The following NKAIN2 variants were observed in gnomAD, a reference collection of about 807,000 sequenced individuals.
NKAIN2 encodes the protein sodium/potassium-transporting ATPase subunit beta-1-interacting protein 2.
In NKAIN2, 14 loss-of-function variants were observed where a neutral mutation model predicts 32.6. The observed-to-expected ratio is 0.43, with a 90% CI of 0.28 to 0.67. The LOEUF is 0.67. NKAIN2 is among the 30% of genes least tolerant of loss of function. The pLI is 0.17. For missense variants in NKAIN2, 198 were observed against 258.3 expected (o/e 0.77, Z 1.60); for synonymous variants, 80 against 87.2 (o/e 0.92, Z 0.46).
chr6:123,837,277 T>C lies in NKAIN2; in HGVS notation c.54+33023T>C, dbSNP rs75260562. ...TCGGAGAAAGTGACTTTTAAGATTGTGTAAGCAAACCTGCTATGTCAAATA... is the reference window on the plus strand; with the variant it reads ...TCGGAGAAAGTGACTTTTAAGATTGCGTAAGCAAACCTGCTATGTCAAATA... On this transcript the variant is annotated intron_variant, in intron 1 of 6. Transcript: ENST00000368417. Among the ~76,000 whole-genome samples, 33 of 152,240 alleles carry C rather than the reference T, an allele frequency of 2.2e-4. No homozygotes were observed. The East Asian group carries it at 6.4e-3, about 29-fold the overall frequency.
intron 3 of NKAIN2, among the ~76,000 whole-genome samples, chr6:124,520,233 A>G (rs1478084393): frequency 8.5e-5 from 13 of 152,216 alleles, no homozygotes; most frequent in South Asian, 2.1e-4. Flanking sequence ...GAGAGAGACC[A>G]TAAAGCAAGC....
chr6:124,125,735 AT>A (rs1379705433), intron 1 of NKAIN2, among the ~76,000 whole-genome samples: 4 of 152,174 alleles, frequency 2.6e-5, no homozygotes, highest in Non-Finnish European at 5.9e-5. Flanking sequence ...TAGGAGTCTT[AT>A]TTCACAGGTT....
intron 4 of NKAIN2, among the ~76,000 whole-genome samples, chr6:124,745,139 A>G (rs1037977225): frequency 1.3e-5 from 2 of 151,918 alleles, no homozygotes; most frequent in African/African-American, 4.8e-5. Flanking sequence ...AAAATGTTCA[A>G]TTACTTCAAA....
chr6:123,865,332 A>G (rs185815839), intron 1 of NKAIN2, among the ~76,000 whole-genome samples: 1 of 152,204 alleles, frequency 6.6e-6, no homozygotes. Flanking sequence ...ATCTGATACT[A>G]TATTGGTGCA....
At chr6:124,220,480 A>G (rs931605619) in intron 1 of NKAIN2, among the ~76,000 whole-genome samples, 4 of 151,590 alleles carry the variant, frequency 2.6e-5, no homozygotes, top group African/African-American at 9.7e-5. Context: ...GGGCCATTTA[A>G]GTTATTTATA....
intron 3 of NKAIN2, among the ~76,000 whole-genome samples, chr6:124,483,233 A>T (rs1351518027): frequency 6.6e-6 from 1 of 152,212 alleles, no homozygotes; most frequent in East Asian, 1.9e-4. Context: ...TCAAGTTCCG[A>T]TGATCATATG....
In NKAIN2 at chr6:124,110,563, T is replaced by C. The variant is rs553057490; in HGVS notation, c.55-172442T>C. ...CACATCTCCTTCTTCCCTCCTTTAG[T>C]AGTCCCTAGTGTCTGTTGTTTGCAT... On this transcript the variant is annotated intron_variant, in intron 1 of 6. Coordinates refer to ENST00000368417, the MANE Select transcript of NKAIN2 (RefSeq NM_001040214.3). Among the ~76,000 whole-genome samples the C allele has an allele frequency of 2.6e-4, 39 of 152,202 alleles. No homozygotes were observed. The East Asian group carries it at 7.2e-3, about 28-fold the overall frequency.
chr6:124,139,651 A>G (rs958543489), intron 1 of NKAIN2, among the ~76,000 whole-genome samples: 15 of 152,204 alleles, frequency 9.9e-5, no homozygotes, highest in African/African-American at 3.6e-4. Flanking sequence ...AAATCAAATT[A>G]ATGCATAGAA....
At chr6:124,699,263 G>C (rs947770822) in intron 4 of NKAIN2, among the ~76,000 whole-genome samples, 2 of 152,170 alleles carry the variant, frequency 1.3e-5, no homozygotes, top group Non-Finnish European at 2.9e-5. Flanking sequence ...CATTGTTGAA[G>C]CTTAGCTGGA....
At chr6:124,560,233 A>G (rs1436982490) in intron 3 of NKAIN2, among the ~76,000 whole-genome samples, 1 of 152,124 alleles carries the variant, frequency 6.6e-6, no homozygotes, top group Non-Finnish European at 1.5e-5. Flanking sequence ...CTCTCATGAT[A>G]GTGAGTCAGT....
At chr6:124,770,899 A>G (rs1778724075) in intron 4 of NKAIN2, among the ~76,000 whole-genome samples, 1 of 152,188 alleles carries the variant, frequency 6.6e-6, no homozygotes, top group Non-Finnish European at 1.5e-5. Flanking sequence ...AAAGCCACGT[A>G]CACAGTTCAT....
At chr6:124,434,646 A>G (rs1267842731) in intron 3 of NKAIN2, among the ~76,000 whole-genome samples, 1 of 152,214 alleles carries the variant, frequency 6.6e-6, no homozygotes, top group Non-Finnish European at 1.5e-5. Flanking sequence ...TCATTGCATT[A>G]TGAAACTTTC....
intron 1 of NKAIN2, among the ~76,000 whole-genome samples, chr6:123,891,720 A>G (rs1174655686): frequency 6.6e-6 from 1 of 152,212 alleles, no homozygotes; most frequent in Non-Finnish European, 1.5e-5. Flanking sequence ...ACGTCGTTCT[A>G]TGTGTTTCTA....
intron 1 of NKAIN2, among the ~76,000 whole-genome samples, chr6:123,992,139 G>A (rs1010742552): frequency 1.3e-5 from 2 of 152,074 alleles, no homozygotes; most frequent in East Asian, 3.9e-4. Context: ...ATGGAAGGCA[G>A]GATAGTAGGG....
intron 1 of NKAIN2, among the ~76,000 whole-genome samples, chr6:124,053,903 G>A (rs1000280398): frequency 6.6e-6 from 1 of 152,036 alleles, no homozygotes; most frequent in African/African-American, 2.4e-5. Flanking sequence ...CCTGAGACTG[G>A]TGAGAACAAC....
At chr6:124,774,761 CAGG>C (rs1037662247) in intron 4 of NKAIN2, among the ~76,000 whole-genome samples, 49 of 148,734 alleles carry the variant, frequency 3.3e-4, no homozygotes, top group African/African-American at 1.2e-3. Context: ...GAGGCTGAGG[CAGG>C]AGAATTGCTT....
In NKAIN2 at chr6:124,233,401, A is replaced by T. The variant is rs79362449; in HGVS notation, c.55-49604A>T. ...GAGTTTTGCTCTTTCCCACCTGTGT[A>T]TCCAGGTGTCCCAGCTCAGTTCCCT... is the stretch of plus-strand genomic sequence containing the variant. On this transcript the variant is annotated intron_variant, in intron 1 of 6. Coordinates refer to ENST00000368417, the MANE Select transcript of NKAIN2 (RefSeq NM_001040214.3). 1.5e-4 allele frequency among the ~76,000 whole-genome samples: 23 copies of T among 152,280 alleles called. No homozygotes were observed. In the East Asian group the frequency reaches 4.5e-3, roughly 29 times the overall value.
intron 1 of NKAIN2, among the ~76,000 whole-genome samples, chr6:123,868,606 A>G (rs566847731): frequency 3.3e-5 from 5 of 152,202 alleles, no homozygotes; most frequent in East Asian, 1.9e-4. Context: ...ATATGAATAT[A>G]CAAATAGTAT....
intron 1 of NKAIN2, among the ~76,000 whole-genome samples, chr6:124,018,223 T>C (rs1780682066): frequency 6.6e-6 from 1 of 152,134 alleles, no homozygotes; most frequent in African/African-American, 2.4e-5. Context: ...GACACAGGAC[T>C]CAAAGTCCCT....
Sources: allele counts gnomAD v4.1 joint callset (sites outside exome capture counted in the v4.1 genomes callset), GRCh38; gene constraint gnomAD v4.1.1; transcripts MANE v1.5; gene names NCBI Gene and HGNC (gene_info 2026-07-23, HGNC 2026-07-21).